Variants in LRP1B observed in about 807,000 individuals in gnomAD.
LRP1B encodes LDL receptor related protein 1B, also known as low-density lipoprotein receptor-related protein 1B.
In LRP1B, 217 loss-of-function variants were observed where a neutral mutation model predicts 556.6. That is an observed-to-expected ratio of 0.39 (90% CI 0.35 to 0.44). The LOEUF (loss-of-function observed/expected upper bound fraction) is 0.44, where lower values mean the gene tolerates loss of function less well. LRP1B is among the 20% of genes least tolerant of loss of function. The pLI, the probability that LRP1B is intolerant of heterozygous loss-of-function variation, is 1.00. For synonymous variants in LRP1B, 2,047 were observed against 1,865.8 expected, an observed-to-expected ratio of 1.10 and a Z score of -2.50; for missense variants, 5,053 against 5,620.8, an observed-to-expected ratio of 0.90 and a Z score of 3.23.
chr2:141,399,340 A>G (rs778337339), intron 3 of LRP1B, among the ~76,000 whole-genome samples: 1 of 152,152 alleles, frequency 6.6e-6, no homozygotes, highest in African/African-American at 2.4e-5. Flanking sequence ...CCTTACATGT[A>G]TGTTAACTAA....
rs1243864369 is a variant in LRP1B, at chr2:141,188,404, T to C, written c.1013+17A>G. On this transcript the variant is annotated intron_variant, in intron 7 of 90. Transcript: ENST00000389484. ...ACGCAAACTTTTTTAGACCAAACACTATAAAGAATTTCTTACCCTGCTATT... is the reference window on the plus strand; with the variant it reads ...ACGCAAACTTTTTTAGACCAAACACCATAAAGAATTTCTTACCCTGCTATT... 2 of 1,607,928 alleles carry C rather than the reference T, an allele frequency of 1.2e-6. No individual in the cohort carries two copies. The highest frequency in any genetic ancestry group is 1.3e-5 in the African/African-American group (1 of 74,678).
chr2:141,200,249 AAAAC>A (rs1394509450), intron 6 of LRP1B, among the ~76,000 whole-genome samples: 1 of 151,348 alleles, frequency 6.6e-6, no homozygotes, highest in Non-Finnish European at 1.5e-5. Flanking sequence ...TAGCCACAAA[AAAAC>A]AAAACAAAAA....
chr2:141,545,162 C>T (rs1414762106), intron 2 of LRP1B, among the ~76,000 whole-genome samples: 1 of 152,186 alleles, frequency 6.6e-6, no homozygotes, highest in Non-Finnish European at 1.5e-5. Context: ...TAATCCTACA[C>T]ATCAAAATGT....
chr2:142,102,724 A>C (rs1312711671), intron 1 of LRP1B, among the ~76,000 whole-genome samples: 3 of 151,768 alleles, frequency 2.0e-5, no homozygotes, highest in East Asian at 3.9e-4. Context: ...TACATATATA[A>C]AAAAATTGTC....
chr2:141,185,683 C>CAAAAAAAAAAAAAAAAAAAAAAAAAAAA (rs148935362), intron 7 of LRP1B, among the ~76,000 whole-genome samples: 1 of 74,342 alleles, frequency 1.3e-5, no homozygotes, highest in Non-Finnish European at 3.0e-5. Context: ...GAAAAACAAA[C>CAAAAAAAAAAAAAAAAAAAAAAAAAAAA]AAACAAAAAA....
At chr2:142,062,517 G>T (rs574822120) in intron 1 of LRP1B, among the ~76,000 whole-genome samples, 1 of 151,844 alleles carries the variant, frequency 6.6e-6, no homozygotes, top group South Asian at 2.1e-4. Context: ...TTTTGATGTT[G>T]ATGTCTACTA....
At chr2:140,698,880 A>C (rs1025045586) in intron 41 of LRP1B, among the ~76,000 whole-genome samples, 3 of 152,046 alleles carry the variant, frequency 2.0e-5, no homozygotes, top group African/African-American at 7.2e-5. Flanking sequence ...TCTCTAACTT[A>C]TGCATAGCTT....
chr2:140,941,534 A>C (rs1430248768), intron 20 of LRP1B, among the ~76,000 whole-genome samples: 1 of 152,172 alleles, frequency 6.6e-6, no homozygotes, highest in African/African-American at 2.4e-5. Context: ...GAGAGCACCT[A>C]TGTAAAAGCC....
At chr2:140,728,058 G>A (rs1207089905) in intron 35 of LRP1B, among the ~76,000 whole-genome samples, 1 of 151,836 alleles carries the variant, frequency 6.6e-6, no homozygotes, top group Admixed American at 6.6e-5. Context: ...CTTAGATAAT[G>A]TACATTCTCT....
intron 87 of LRP1B, among the ~76,000 whole-genome samples, chr2:140,243,626 A>G (rs1681041130): frequency 6.6e-6 from 1 of 151,170 alleles, no homozygotes; most frequent in Admixed American, 6.6e-5. Context: ...TAAAAATTGT[A>G]AAGAAAATAT....
At chr2:140,253,732 A>T (rs367925612) in intron 86 of LRP1B, among the ~76,000 whole-genome samples, 1 of 152,182 alleles carries the variant, frequency 6.6e-6, no homozygotes, top group African/African-American at 2.4e-5. Flanking sequence ...GACAATTTCT[A>T]TTTAACTGAA....
chr2:141,588,474 C>T (rs1687217399), intron 2 of LRP1B, among the ~76,000 whole-genome samples: 1 of 152,116 alleles, frequency 6.6e-6, no homozygotes, highest in Non-Finnish European at 1.5e-5. Flanking sequence ...CCATATGAAA[C>T]TCAATCAAAC....
intron 27 of LRP1B, among the ~76,000 whole-genome samples, chr2:140,861,813 CT>C (rs1182755468): frequency 1.3e-5 from 2 of 152,140 alleles, no homozygotes; most frequent in Non-Finnish European, 2.9e-5. Flanking sequence ...GCATTTATGT[CT>C]TTATTTTTAT....
intron 3 of LRP1B, among the ~76,000 whole-genome samples, chr2:141,467,660 G>A (rs1030292957): frequency 6.6e-6 from 1 of 151,998 alleles, no homozygotes; most frequent in Admixed American, 6.6e-5. Flanking sequence ...TTCTCTATTT[G>A]TAGTTATAGT....
intron 7 of LRP1B, among the ~76,000 whole-genome samples, chr2:141,125,950 C>T (rs1369364192): frequency 1.3e-5 from 2 of 150,394 alleles, no homozygotes; most frequent in Non-Finnish European, 3.0e-5. Flanking sequence ...TGCTTTTCAG[C>T]TCTTCTGCTT....
intron 1 of LRP1B, among the ~76,000 whole-genome samples, chr2:141,913,379 G>A (rs6429933): frequency 0.86 from 131,011 of 152,154 alleles, 56,562 homozygotes; most frequent in East Asian, 1. Context: ...ATGAATGTAT[G>A]TATTTTCTTT....
Position 140,386,670 on chromosome 2 carries a change from T to C in LRP1B, c.10415-661A>G, listed in dbSNP as rs181333191. Among the ~76,000 whole-genome samples, 450 of 152,342 alleles carry C rather than the reference T, an allele frequency of 3.0e-3. 3 individuals are homozygous for C. Among genetic ancestry groups the C allele is most frequent in the Middle Eastern group, 0.017 (5 of 294 alleles). ...TTACAGATGGTGAAATAAAAACTTTTGGAAATTTAGGAACTTAATAAATTT... is the reference window on the plus strand; with the variant it reads ...TTACAGATGGTGAAATAAAAACTTTCGGAAATTTAGGAACTTAATAAATTT... On this transcript the variant is annotated intron_variant, in intron 66 of 90. Coordinates refer to ENST00000389484, the MANE Select transcript of LRP1B (RefSeq NM_018557.3).
intron 7 of LRP1B, among the ~76,000 whole-genome samples, chr2:141,096,627 G>A (rs10183088): frequency 0.19 from 9,598 of 49,766 alleles, 1,425 homozygotes; most frequent in East Asian, 0.55. Flanking sequence ...ACGGGGAGAG[G>A]GGGAGAGAGA....
intron 7 of LRP1B, among the ~76,000 whole-genome samples, chr2:141,148,649 C>T (rs1463213883): frequency 6.6e-6 from 1 of 152,006 alleles, no homozygotes; most frequent in African/African-American, 2.4e-5. Flanking sequence ...ATCTATAACG[C>T]CAACAAGAGG....
Sources: allele counts gnomAD v4.1 joint callset (sites outside exome capture counted in the v4.1 genomes callset), GRCh38; gene constraint gnomAD v4.1.1; transcripts MANE v1.5; gene names NCBI Gene and HGNC (gene_info 2026-07-23, HGNC 2026-07-21).